SPATA17: variants seen among roughly 807,000 people sequenced by gnomAD.
The protein encoded by SPATA17 is spermatogenesis-associated protein 17.
SPATA17 carries 53 observed loss-of-function variants against 62.2 expected under a neutral mutation model. The ratio of observed to expected loss-of-function variants is 0.85; its 90% CI spans 0.68 to 1.07. The LOEUF (loss-of-function observed/expected upper bound fraction) is 1.07. Among genes scored for constraint, SPATA17 ranks in the 50% least tolerant of loss-of-function variants. The pLI, the probability that SPATA17 is intolerant of heterozygous loss-of-function variation, is 0.00. For missense variants in SPATA17, 466 were observed against 425.5 expected (o/e 1.10, Z -0.84); for synonymous variants, 146 against 146.8 (o/e 0.99, Z 0.04).
intron 3 of SPATA17, among the ~76,000 whole-genome samples, chr1:217,661,153 G>T (rs1571713177): frequency 6.6e-6 from 1 of 152,106 alleles, no homozygotes; most frequent in Admixed American, 6.6e-5. Flanking sequence ...TCTACCTAAT[G>T]AAAAAAGTAT....
chr1:217,780,405 G>C (rs1673703984), intron 7 of SPATA17, among the ~76,000 whole-genome samples: 1 of 152,158 alleles, frequency 6.6e-6, no homozygotes, highest in African/African-American at 2.4e-5. Context: ...CAGGGATCAT[G>C]AAGGTGGGAG....
chr1:217,853,605 C>A (rs1384797863), intron 9 of SPATA17, among the ~76,000 whole-genome samples: 2 of 152,128 alleles, frequency 1.3e-5, no homozygotes, highest in Non-Finnish European at 2.9e-5. Context: ...TAGTTATGTT[C>A]TATAAAGTCA....
chr1:217,660,657 G>A (rs758825851), intron 3 of SPATA17, among the ~76,000 whole-genome samples: 16 of 152,088 alleles, frequency 1.1e-4, no homozygotes, highest in Non-Finnish European at 2.2e-4. Flanking sequence ...AGGTGTTCTC[G>A]GTCTTTTCCT....
At chr1:217,822,159 T>A (rs746566956) in intron 9 of SPATA17, among the ~76,000 whole-genome samples, 25 of 152,130 alleles carry the variant, frequency 1.6e-4, no homozygotes, top group Non-Finnish European at 3.1e-4. Flanking sequence ...TCTTCCCAAA[T>A]GTCTTGCAGA....
At chr1:217,768,488 T>TA (rs923034590) in intron 6 of SPATA17, among the ~76,000 whole-genome samples, 7 of 151,784 alleles carry the variant, frequency 4.6e-5, no homozygotes, top group African/African-American at 1.7e-4. Flanking sequence ...CGCAAAGCTC[T>TA]ACCCATCTTT....
At chr1:217,794,718 C>A (rs1674091841) in intron 8 of SPATA17, among the ~76,000 whole-genome samples, 1 of 152,204 alleles carries the variant, frequency 6.6e-6, no homozygotes, top group South Asian at 2.1e-4. Context: ...TTACATCTGA[C>A]TCGTTTATGT....
chr1:217,801,936 T>A, intron 9 of SPATA17, 86 bp downstream of exon 9: 4 of 1,333,364 alleles, frequency 3.0e-6, no homozygotes, highest in Non-Finnish European at 4.1e-6. Flanking sequence ...ATATTCTTAT[T>A]ACAATTAAGA....
intron 6 of SPATA17, among the ~76,000 whole-genome samples, chr1:217,747,037 G>C (rs1245547319): frequency 6.6e-6 from 1 of 151,988 alleles, no homozygotes; most frequent in African/African-American, 2.4e-5. Flanking sequence ...GTAAAACAGG[G>C]TTGGGATTAG....
intron 5 of SPATA17, among the ~76,000 whole-genome samples, chr1:217,708,054 C>T (rs1671776445): frequency 6.6e-6 from 1 of 152,112 alleles, no homozygotes; most frequent in Admixed American, 6.6e-5. Context: ...ACAGTTAAAG[C>T]AGTGTCAAGG....
At chr1:217,791,525 GTTTAT>G (rs1240390205) in intron 8 of SPATA17, among the ~76,000 whole-genome samples, 1 of 152,058 alleles carries the variant, frequency 6.6e-6, no homozygotes, top group Non-Finnish European at 1.5e-5. Flanking sequence ...AAAAAAAAAA[GTTTAT>G]TTTAAGTAAA....
chr1:217,853,630 T>C (rs565365499), intron 9 of SPATA17, among the ~76,000 whole-genome samples: 8 of 152,268 alleles, frequency 5.3e-5, no homozygotes, highest in African/African-American at 1.9e-4. Context: ...AAACACTGAA[T>C]TGGTGAATAA....
intron 9 of SPATA17, among the ~76,000 whole-genome samples, chr1:217,826,868 T>C (rs1209529374): frequency 6.6e-6 from 1 of 152,102 alleles, no homozygotes; most frequent in Non-Finnish European, 1.5e-5. Context: ...ATTTTCTAAT[T>C]TGTGGAAAGG....
At position 217,696,036 on chromosome 1, in the gene SPATA17, T is replaced by A. The variant is rs1488806712; in HGVS notation, c.395+12675T>A. 2.0e-5 allele frequency among the ~76,000 whole-genome samples: 3 copies of A among 151,942 alleles called. No individual in the cohort carries two copies. The South Asian group carries it at 6.2e-4, about 32-fold the overall frequency. ...TGGGCTCCACCCAGTTCGAGCTTCC[T>A]GGCTGCTTTGTTTACCTAAGCAAGC... On this transcript the variant is annotated intron_variant, in intron 5 of 10. Transcript: ENST00000366933.
chr1:217,684,403 C>T (rs1466432992), intron 5 of SPATA17, among the ~76,000 whole-genome samples: 1 of 151,966 alleles, frequency 6.6e-6, no homozygotes, highest in East Asian at 1.9e-4. Context: ...TATCATATAT[C>T]ATCTTATTTT....
chr1:217,865,879 C>T (rs950437), intron 10 of SPATA17, among the ~76,000 whole-genome samples: 34,765 of 151,854 alleles, frequency 0.23, 5,099 homozygotes, highest in Admixed American at 0.34. Context: ...TTTTGAGGCC[C>T]GATAAGATGA....
At position 217,773,143 on chromosome 1, in the gene SPATA17, G is replaced by C. The variant is rs1673496434; in HGVS notation, c.520-1191G>C. On this transcript the variant is annotated intron_variant, in intron 6 of 10. Transcript: ENST00000366933. ...TTGATAGAGGTTAACACTTATTGCT[G>C]AGTTAGGCTGGAAATTTACACTTTT... 2.0e-5 allele frequency among the ~76,000 whole-genome samples: 3 copies of C among 152,270 alleles called. No individual in the cohort carries two copies. In the South Asian group the frequency reaches 6.2e-4, roughly 32 times the overall value.
chr1:217,678,340 C>T (rs1234633480), intron 4 of SPATA17, among the ~76,000 whole-genome samples: 2 of 151,422 alleles, frequency 1.3e-5, no homozygotes, highest in Admixed American at 6.6e-5. Context: ...TCCTGAGTAG[C>T]TGGGATTACA....
At chr1:217,650,979 T>G (rs763384739) in intron 2 of SPATA17, 118 bp from the exon 3 acceptor site, 1 of 710,130 alleles carries the variant, frequency 1.4e-6, no homozygotes, top group Non-Finnish European at 2.4e-6. Context: ...TGTTTAAAAG[T>G]GCACATAAAC....
chr1:217,702,080 A>G (rs541184756), intron 5 of SPATA17, among the ~76,000 whole-genome samples: 2 of 151,664 alleles, frequency 1.3e-5, no homozygotes, highest in South Asian at 2.1e-4. Context: ...TTTGACTACT[A>G]TTTATACAAA....
Sources: gnomAD v4.1 joint callset for allele counts (sites outside exome capture counted in the v4.1 genomes callset) on GRCh38, gnomAD v4.1.1 for gene constraint, MANE v1.5 for transcripts, NCBI Gene and HGNC (gene_info 2026-07-23, HGNC 2026-07-21) for gene names.